The following NOS1 variants were observed in gnomAD, a reference collection of about 807,000 sequenced individuals.
NOS1 encodes the protein nitric oxide synthase 1.
Under a neutral mutation model 164.5 loss-of-function variants are expected in NOS1, and 51 were observed. That is an observed-to-expected ratio of 0.31 (90% CI 0.25 to 0.39). The LOEUF (loss-of-function observed/expected upper bound fraction) is 0.39. NOS1 is among the 10% of genes least tolerant of loss of function. The pLI, the probability that NOS1 is intolerant of heterozygous loss-of-function variation, is 1.00. For synonymous variants in NOS1, 719 were observed against 745.8 expected, an observed-to-expected ratio of 0.96 and a Z score of 0.59; for missense variants, 1,362 against 1,885.6, an observed-to-expected ratio of 0.72 and a Z score of 5.14.
At chr12:117,322,220 T>G (rs1222706148) in intron 2 of NOS1, among the ~76,000 whole-genome samples, 1 of 87,328 alleles carries the variant, frequency 1.1e-5, no homozygotes. Context: ...CCCTCCCTCT[T>G]TCCTTCCTTC....
Position 117,272,644 on chromosome 12 carries a change from A to AGGAT in NOS1, c.1665-89_1665-86dup. ...TGAATCTAGAGATGCTGAAATGCCA[A>AGGAT]GGATGGACTGGGACTGACAAGGTCA... On this transcript the variant is annotated intron_variant, in intron 9 of 28. Coordinates refer to ENST00000317775, the MANE Select transcript of NOS1 (RefSeq NM_000620.5). The surrounding 1 kb of genome is among the most constrained non-coding windows in gnomAD (Gnocchi z 4.3). 1 of 1,321,048 alleles carries AGGAT rather than the reference A, an allele frequency of 7.6e-7. No homozygotes were observed. The highest frequency in any genetic ancestry group is 2.3e-4 in the Middle Eastern group (1 of 4,258). 81.8% of individuals were successfully genotyped at this position (1,321,048 alleles called of 1,614,324 possible).
chr12:117,312,276 C>T (rs1485201929), intron 2 of NOS1, among the ~76,000 whole-genome samples: 1 of 152,138 alleles, frequency 6.6e-6, no homozygotes, highest in Non-Finnish European at 1.5e-5. Context: ...CCTGTGTTGG[C>T]CAGACTGATC....
intron 21 of NOS1, among the ~76,000 whole-genome samples, chr12:117,232,950 C>T (rs1275302135): frequency 1.3e-5 from 2 of 151,240 alleles, no homozygotes; most frequent in Non-Finnish European, 2.9e-5. Flanking sequence ...TCACTGTAGC[C>T]TTGAACTCCC....
chr12:117,350,464 C>T (rs990799093), intron 1 of NOS1, among the ~76,000 whole-genome samples: 4 of 152,160 alleles, frequency 2.6e-5, no homozygotes, highest in Non-Finnish European at 5.9e-5. Context: ...GTTGCAATGC[C>T]CTGGAACTGT....
At chr12:117,233,025 G>A (rs571527257) in intron 21 of NOS1, among the ~76,000 whole-genome samples, 1 of 140,976 alleles carries the variant, frequency 7.1e-6, no homozygotes, top group Non-Finnish European at 1.5e-5. Context: ...GTGCCATCAT[G>A]CCTCACTACT....
chr12:117,325,462 A>G (rs1002200267), intron 2 of NOS1, among the ~76,000 whole-genome samples: 1 of 152,026 alleles, frequency 6.6e-6, no homozygotes. Context: ...CTGGCATTGT[A>G]GTAGTAGGGA....
chr12:117,320,183 C>T (rs758201710), intron 2 of NOS1, among the ~76,000 whole-genome samples: 2 of 152,132 alleles, frequency 1.3e-5, no homozygotes, highest in Admixed American at 1.3e-4. Flanking sequence ...GGTCCTAAAC[C>T]CTTGAACCTG....
At chr12:117,264,248 C>A (rs777075374) in intron 12 of NOS1, among the ~76,000 whole-genome samples, 4 of 151,984 alleles carry the variant, frequency 2.6e-5, no homozygotes, top group African/African-American at 9.7e-5. Context: ...CTTGTGACCC[C>A]TGACTACTCA....
chr12:117,337,973 G>C (rs1011722300), intron 1 of NOS1, among the ~76,000 whole-genome samples: 3 of 152,122 alleles, frequency 2.0e-5, no homozygotes, highest in Non-Finnish European at 4.4e-5. Context: ...CCAACACTTT[G>C]GGAGGCCGAG....
At chr12:117,233,808 CAAAAAAAA>C (rs374050465) in intron 21 of NOS1, among the ~76,000 whole-genome samples, 1 of 57,088 alleles carries the variant, frequency 1.8e-5, no homozygotes, top group Admixed American at 1.7e-4. Context: ...AAGTCTGTCT[CAAAAAAAA>C]AAAAAAAAAA....
At chr12:117,290,520 G>C in intron 3 of NOS1, 94 bp from the exon 4 acceptor site, 2 of 1,453,350 alleles carry the variant, frequency 1.4e-6, no homozygotes, top group East Asian at 2.3e-5. Flanking sequence ...TGTTCTTCCT[G>C]GGATCTGCCT....
intron 1 of NOS1, among the ~76,000 whole-genome samples, chr12:117,337,108 T>A (rs1411339154): frequency 0.016 from 723 of 46,584 alleles, 64 homozygotes; most frequent in East Asian, 0.13. Flanking sequence ...TTTTTACTCT[T>A]TTTTTTTTTT....
intron 2 of NOS1, among the ~76,000 whole-genome samples, chr12:117,321,935 TC>T (rs1874950143): frequency 8.4e-6 from 1 of 119,350 alleles, no homozygotes; most frequent in Non-Finnish European, 1.7e-5. Context: ...CTTCCTTCCC[TC>T]CCTCTCTCCT....
chr12:117,227,050 A>G (rs1029617101), intron 23 of NOS1, among the ~76,000 whole-genome samples: 1 of 152,052 alleles, frequency 6.6e-6, no homozygotes, highest in African/African-American at 2.4e-5. Flanking sequence ...TGGGACGGGC[A>G]CTGTGCATTT....
chr12:117,257,954 G>A (rs923420331), intron 16 of NOS1, among the ~76,000 whole-genome samples: 4 of 151,832 alleles, frequency 2.6e-5, no homozygotes, highest in East Asian at 1.9e-4. Context: ...ACATACATGC[G>A]CCACCACGCC....
In NOS1 at chr12:117,262,535, T is replaced by C. The variant is rs566092428; in HGVS notation, c.2222+1354A>G. On this transcript the variant is annotated intron_variant, in intron 13 of 28. Transcript: ENST00000317775. ...GAGAGGAGAGAGAGAGAGAGAGAGA[T>C]TGATTGATTCTATGGGCTCTATTAA... Among the ~76,000 whole-genome samples the C allele has an allele frequency of 2.3e-3, 267 of 117,828 alleles. 2 individuals carry two copies. Among genetic ancestry groups the C allele is most frequent in the African/African-American group, 8.5e-3 (254 of 29,976 alleles). 77.3% of individuals were successfully genotyped at this position (117,828 alleles called of 152,430 possible).
chr12:117,329,773 C>T (rs9658281), intron 2 of NOS1, among the ~76,000 whole-genome samples: 35,859 of 152,108 alleles, frequency 0.24, 4,743 homozygotes, highest in Non-Finnish European at 0.3. Context: ...TTTTAGGAAC[C>T]GGGGCCAGTT....
At chr12:117,257,798 C>T (rs1359244576) in intron 16 of NOS1, among the ~76,000 whole-genome samples, 13 of 146,082 alleles carry the variant, frequency 8.9e-5, no homozygotes, top group Middle Eastern at 3.6e-3. Context: ...AATATTTACA[C>T]AGTGCTTTTT....
chr12:117,276,612 T>A (rs1160820087), intron 9 of NOS1, among the ~76,000 whole-genome samples: 1 of 149,158 alleles, frequency 6.7e-6, no homozygotes, highest in African/African-American at 2.5e-5. Flanking sequence ...ACCGCCCCCA[T>A]CTTCCCCTCA....
Sources: gnomAD v4.1 joint callset for allele counts (sites outside exome capture counted in the v4.1 genomes callset) on GRCh38, gnomAD v4.1.1 for gene constraint, Gnocchi (gnomAD v3.1) non-coding constraint, MANE v1.5 for transcripts, NCBI Gene and HGNC (gene_info 2026-07-23, HGNC 2026-07-21) for gene names.